NSMCE2: variants seen among roughly 807,000 people sequenced by gnomAD.
NSMCE2 encodes the protein NSE2 SUMO ligase component of SMC5/6 complex.
NSMCE2 carries 24 observed loss-of-function variants against 23.8 expected under a neutral mutation model. That is an observed-to-expected ratio of 1.01 (90% confidence interval 0.73 to 1.42). The LOEUF (loss-of-function observed/expected upper bound fraction) is 1.42. Among genes scored for constraint, NSMCE2 ranks in the 40% most tolerant of loss-of-function variants. The pLI is 0.00. For synonymous variants in NSMCE2, 92 were observed against 94.1 expected (o/e 0.98, Z 0.13); for missense variants, 284 against 296.5 (o/e 0.96, Z 0.31).
At chr8:125,322,743 C>T (rs941370953) in intron 5 of NSMCE2, among the ~76,000 whole-genome samples, 6 of 152,168 alleles carry the variant, frequency 3.9e-5, no homozygotes, top group African/African-American at 7.2e-5. Context: ...AGAACTAATA[C>T]GTGAGTTTAG....
intron 5 of NSMCE2, among the ~76,000 whole-genome samples, chr8:125,254,337 G>C (rs1826321335): frequency 1.3e-5 from 2 of 152,160 alleles, no homozygotes; most frequent in African/African-American, 4.8e-5. Flanking sequence ...ACCAAGAAAT[G>C]GTGCGTCATC....
intron 7 of NSMCE2, among the ~76,000 whole-genome samples, chr8:125,366,468 A>C (rs948514245): frequency 6.6e-6 from 1 of 152,066 alleles, no homozygotes; most frequent in African/African-American, 2.4e-5. Flanking sequence ...TGAACCCGGG[A>C]GGCGGAGCTT....
chr8:125,252,794 G>A (rs1015705968), intron 5 of NSMCE2, among the ~76,000 whole-genome samples: 5 of 152,238 alleles, frequency 3.3e-5, no homozygotes, highest in Non-Finnish European at 7.3e-5. Flanking sequence ...TTTAAGCAGT[G>A]CATAGATTAG....
intron 5 of NSMCE2, among the ~76,000 whole-genome samples, chr8:125,347,416 C>A (rs1231625330): frequency 6.6e-6 from 1 of 152,178 alleles, no homozygotes; most frequent in East Asian, 1.9e-4. Context: ...TCCAGAGATA[C>A]TTTTGTACTT....
intron 3 of NSMCE2, among the ~76,000 whole-genome samples, chr8:125,147,117 T>C (rs889984683): frequency 1.3e-5 from 2 of 152,194 alleles, no homozygotes; most frequent in Non-Finnish European, 1.5e-5. Context: ...CTTTTCTCTC[T>C]GGAGTCATCA....
intron 5 of NSMCE2, among the ~76,000 whole-genome samples, chr8:125,196,383 G>T (rs1031985792): frequency 6.6e-6 from 1 of 151,974 alleles, no homozygotes; most frequent in African/African-American, 2.4e-5. Context: ...GCCGTGGTGT[G>T]TGATGTTCCC....
chr8:125,352,476 C>CA (rs1250506610), intron 5 of NSMCE2, among the ~76,000 whole-genome samples: 1,742 of 77,770 alleles, frequency 0.022, 26 homozygotes, highest in African/African-American at 0.064. Context: ...AAATCCATCT[C>CA]AAAAAAAAAA....
intron 5 of NSMCE2, among the ~76,000 whole-genome samples, chr8:125,188,495 G>C (rs1282039510): frequency 6.6e-6 from 1 of 152,192 alleles, no homozygotes; most frequent in Admixed American, 6.5e-5. Context: ...TGGACCCACT[G>C]TTGCCAGATC....
chr8:125,177,715 C>G (rs77253063), intron 4 of NSMCE2, among the ~76,000 whole-genome samples: 6,077 of 152,258 alleles, frequency 0.04, 218 homozygotes, highest in South Asian at 0.16. Context: ...AGCTCACTTG[C>G]ATCATTTTCC....
At chr8:125,330,181 C>CTT (rs796167561) in intron 5 of NSMCE2, among the ~76,000 whole-genome samples, 1,827 of 136,570 alleles carry the variant, frequency 0.013, 41 homozygotes, top group African/African-American at 0.029. Flanking sequence ...TTTTTTCTTT[C>CTT]TTTTTTTTTT....
rs149022041 is a variant in NSMCE2, at chr8:125,184,590, A to G, written c.418+2334A>G. 6.6e-5 allele frequency among the ~76,000 whole-genome samples: 10 copies of G among 152,280 alleles called. No homozygotes were observed. The East Asian group carries it at 1.7e-3, about 26-fold the overall frequency. ...AAGTTTTTAGATTTCAAATGACAGA[A>G]CAAGCAAAATATTAATACTTTTGAA... On this transcript the variant is annotated intron_variant, in intron 5 of 7. Transcript: ENST00000287437.
At chr8:125,136,696 T>C (rs1820085706) in intron 3 of NSMCE2, among the ~76,000 whole-genome samples, 1 of 152,164 alleles carries the variant, frequency 6.6e-6, no homozygotes, top group Non-Finnish European at 1.5e-5. Flanking sequence ...ATTCCCATTA[T>C]AGAAGTAGTT....
At position 125,301,545 on chromosome 8, in the gene NSMCE2, G is replaced by A. The variant is rs536839752; in HGVS notation, c.419-55674G>A. ...TGGAAGACTTTCTTGTTAGTTGTTA[G>A]GAGACAGCGTCCCAGTTCCTTCAGA... On this transcript the variant is annotated intron_variant, in intron 5 of 7. Transcript: ENST00000287437. Among the ~76,000 whole-genome samples, 18 of 152,240 alleles carry A rather than the reference G, an allele frequency of 1.2e-4. No individual in the cohort carries two copies. In the South Asian group the frequency reaches 3.7e-3, roughly 32 times the overall value.
In NSMCE2 at chr8:125,353,954, C is replaced by T. The variant is rs187164409; in HGVS notation, c.419-3265C>T. The stretch of plus-strand genomic sequence containing the variant: ...GTCAATTTGTTGTTTTTTTTTGAGA[C>T]GGAGTCTTGCTCTGTCACTCAGGCT... On this transcript the variant is annotated intron_variant, in intron 5 of 7. Coordinates refer to ENST00000287437, the MANE Select transcript of NSMCE2 (RefSeq NM_173685.4). Among the ~76,000 whole-genome samples the T allele has an allele frequency of 3.7e-3, 552 of 148,288 alleles. 2 individuals are homozygous for T. The highest frequency in any genetic ancestry group is 0.013 in the African/African-American group (528 of 40,540).
chr8:125,304,252 A>C (rs763451497), intron 5 of NSMCE2, among the ~76,000 whole-genome samples: 1 of 152,216 alleles, frequency 6.6e-6, no homozygotes, highest in Non-Finnish European at 1.5e-5. Context: ...TGATGATTAC[A>C]TGAATAATAT....
At chr8:125,295,560 G>C (rs1168031837) in intron 5 of NSMCE2, among the ~76,000 whole-genome samples, 2 of 152,166 alleles carry the variant, frequency 1.3e-5, no homozygotes, top group African/African-American at 4.8e-5. Flanking sequence ...GCACACCCCT[G>C]TCTCTGCTTA....
chr8:125,118,019 T>C (rs1385481549), intron 3 of NSMCE2, among the ~76,000 whole-genome samples: 3 of 152,092 alleles, frequency 2.0e-5, no homozygotes, highest in African/African-American at 7.2e-5. Context: ...TAGCCAGAGG[T>C]TCTCAAACTT....
chr8:125,182,062 T>C (rs759196929), intron 4 of NSMCE2, 41 bp from the exon 5 acceptor site: 3 of 1,422,110 alleles, frequency 2.1e-6, no homozygotes, highest in African/African-American at 2.9e-5. Flanking sequence ...AACACTATTA[T>C]TATTAACATT....
At chr8:125,299,704 T>C (rs187053082) in intron 5 of NSMCE2, among the ~76,000 whole-genome samples, 354 of 152,084 alleles carry the variant, frequency 2.3e-3, no homozygotes, top group African/African-American at 7.6e-3. Flanking sequence ...AGGTTGGCAA[T>C]TCATTTCACT....
Sources: allele counts gnomAD v4.1 joint callset (sites outside exome capture counted in the v4.1 genomes callset), GRCh38; gene constraint gnomAD v4.1.1; transcripts MANE v1.5; gene names NCBI Gene and HGNC (gene_info 2026-07-23, HGNC 2026-07-21).